Variants in TMEM131 observed in about 807,000 individuals in gnomAD.
The protein encoded by TMEM131 is 2610524E03Rik.
In TMEM131, 66 loss-of-function variants were observed where a neutral mutation model predicts 211.6. That is an observed-to-expected ratio of 0.31 (90% CI 0.26 to 0.38). TMEM131 has a LOEUF of 0.38. TMEM131 is among the 10% of genes least tolerant of loss of function. TMEM131 has a pLI of 1.00. For synonymous variants in TMEM131, 844 were observed against 841.3 expected (o/e 1.00, Z -0.06); for missense variants, 2,036 against 2,299.3 (o/e 0.89, Z 2.34).
chr2:97,812,470 A>G lies in TMEM131; in HGVS notation c.1814T>C (p.Ile605Thr). Residue 605 changes from isoleucine (I) to threonine (T), a missense_variant, in exon 17 of 41, where the codon ATT becomes ACT. Coordinates refer to ENST00000186436, the MANE Select transcript of TMEM131 (RefSeq NM_015348.2). Reference sequence around the variant, plus strand: ...TTTTTCAAACTCTGGCAGGCTTGAAATTATTGTAGTTCTATTGCCTCTTTC... The same window carrying G: ...TTTTTCAAACTCTGGCAGGCTTGAAGTTATTGTAGTTCTATTGCCTCTTTC... The part of the protein sequence containing the change: ...AVERGNRTTI[I>T]SSLPEFEKSS... 4 of 1,613,176 alleles carry G rather than the reference A, an allele frequency of 2.5e-6. No homozygotes were observed. Among genetic ancestry groups the G allele is most frequent in the African/African-American group, 1.3e-5 (1 of 75,004 alleles).
At chr2:97,943,804 T>C (rs1677910392) in intron 1 of TMEM131, among the ~76,000 whole-genome samples, 1 of 152,054 alleles carries the variant, frequency 6.6e-6, no homozygotes, top group South Asian at 2.1e-4. Flanking sequence ...CTTATCAAGG[T>C]TGGGCACAGT....
intron 1 of TMEM131, among the ~76,000 whole-genome samples, chr2:97,959,243 G>C (rs1311501074): frequency 6.6e-6 from 1 of 152,144 alleles, no homozygotes; most frequent in East Asian, 1.9e-4. Flanking sequence ...GTTACAAGAA[G>C]GGAGAAATAG....
intron 1 of TMEM131, among the ~76,000 whole-genome samples, chr2:97,987,594 C>T (rs1221711520): frequency 1.3e-5 from 2 of 152,090 alleles, no homozygotes; most frequent in African/African-American, 2.4e-5. Flanking sequence ...AGGTAATTAA[C>T]GAAATACCTT....
intron 5 of TMEM131, among the ~76,000 whole-genome samples, chr2:97,857,755 T>G (rs924715852): frequency 2.0e-5 from 3 of 152,170 alleles, no homozygotes; most frequent in Non-Finnish European, 2.9e-5. Context: ...CACCGACACC[T>G]TCACCTTGGC....
intron 11 of TMEM131, chr2:97,827,186 G>C (rs1204636240): frequency 6.1e-6 from 4 of 652,358 alleles, no homozygotes; most frequent in African/African-American, 3.6e-5. Flanking sequence ...GCCCAGTTTC[G>C]TGAAGGCTCT....
chr2:97,873,166 A>C (rs1674560512), intron 4 of TMEM131, among the ~76,000 whole-genome samples: 2 of 152,248 alleles, frequency 1.3e-5, no homozygotes, highest in Admixed American at 6.5e-5. Flanking sequence ...AGCCCACTGC[A>C]GCTCAGCACG....
chr2:97,869,069 G>C (rs1233901403), intron 4 of TMEM131, among the ~76,000 whole-genome samples: 1 of 152,120 alleles, frequency 6.6e-6, no homozygotes, highest in Non-Finnish European at 1.5e-5. Context: ...CATCCTCCTT[G>C]CATCCTGAAA....
intron 4 of TMEM131, among the ~76,000 whole-genome samples, chr2:97,877,907 G>C: frequency 6.6e-6 from 1 of 152,194 alleles, no homozygotes; most frequent in Non-Finnish European, 1.5e-5. Context: ...ACTATCATCA[G>C]AGTGAACAGG....
intron 2 of TMEM131, chr2:97,911,708 T>C (rs1676300488): frequency 1.0e-6 from 1 of 968,746 alleles, no homozygotes; most frequent in Non-Finnish European, 1.2e-6. Context: ...AAAATAAATA[T>C]TGTTTTTGAA....
intron 5 of TMEM131, among the ~76,000 whole-genome samples, chr2:97,855,202 T>G (rs1673790292): frequency 6.6e-6 from 1 of 152,256 alleles, no homozygotes; most frequent in South Asian, 2.1e-4. Flanking sequence ...CATTTTCTTG[T>G]ATGTTTTAAA....
At chr2:97,867,973 A>T (rs1054134439) in intron 4 of TMEM131, among the ~76,000 whole-genome samples, 3 of 152,216 alleles carry the variant, frequency 2.0e-5, no homozygotes, top group Non-Finnish European at 2.9e-5. Context: ...ATAACTTTTT[A>T]AAAAATAATT....
At chr2:97,925,661 T>C (rs1002470143) in intron 2 of TMEM131, among the ~76,000 whole-genome samples, 2 of 152,172 alleles carry the variant, frequency 1.3e-5, no homozygotes, top group Non-Finnish European at 2.9e-5. Context: ...GAATTCCTGC[T>C]CTAGCAATTG....
chr2:97,827,564 T>G lies in TMEM131; in HGVS notation c.1074+5801A>C. ...AAGTCTGATTAATAACCATATACCA[T>G]GTCTTATCAGTGGTCCCTGTCTCCC... On this transcript the variant is annotated intron_variant, in intron 11 of 40. Coordinates refer to ENST00000186436, the MANE Select transcript of TMEM131 (RefSeq NM_015348.2). 4 of 913,742 alleles carry G rather than the reference T, an allele frequency of 4.4e-6. No homozygotes were observed. The South Asian group carries it at 5.2e-5, about 12-fold the overall frequency. The allele number at this position is 913,742 out of a possible 1,614,324, so 56.6% of individuals were successfully genotyped here.
rs1000130474 is a variant in TMEM131, at chr2:97,786,995, A to C, written c.4144+5391T>G. Reference sequence around the variant, plus strand: ...TGCCAGAAAATTTGCAGTTCAACTTAACACTTAATGGTAACAACTAACTTT... The same window carrying C: ...TGCCAGAAAATTTGCAGTTCAACTTCACACTTAATGGTAACAACTAACTTT... On this transcript the variant is annotated intron_variant, in intron 31 of 40. Transcript: ENST00000186436. Among the ~76,000 whole-genome samples the C allele has an allele frequency of 2.0e-5, 3 of 152,220 alleles. No homozygotes were observed. The East Asian group carries it at 5.8e-4, about 29-fold the overall frequency.
intron 32 of TMEM131, among the ~76,000 whole-genome samples, chr2:97,774,598 CAG>C (rs1679626413): frequency 1.3e-5 from 2 of 152,112 alleles, no homozygotes; most frequent in South Asian, 2.1e-4. Context: ...AGGGAATGAA[CAG>C]GGAGCTAAGA....
rs1328359159 is a variant in TMEM131 at position 97,759,071 on chromosome 2, G to C, written c.5207-18C>G. ...GAAAACTTCTGGAAATAAAGCAACAGTCATCAAGTCCATATTTGGTTTTGC... is the reference window on the plus strand; with the variant it reads ...GAAAACTTCTGGAAATAAAGCAACACTCATCAAGTCCATATTTGGTTTTGC... On this transcript the variant is annotated intron_variant, in intron 39 of 40. Transcript: ENST00000186436. 1 of 1,613,840 alleles carries C rather than the reference G, an allele frequency of 6.2e-7. No individual in the cohort carries two copies. The highest frequency in any genetic ancestry group is 8.5e-7 in the Non-Finnish European group (1 of 1,179,832).
chr2:97,781,842 G>A (rs987837112), intron 31 of TMEM131, among the ~76,000 whole-genome samples: 5 of 152,122 alleles, frequency 3.3e-5, no homozygotes, highest in Admixed American at 6.5e-5. Flanking sequence ...ATAAAGCCTC[G>A]ACAAAAGCCA....
chr2:97,966,288 C>T (rs1679054754), intron 1 of TMEM131, among the ~76,000 whole-genome samples: 1 of 151,822 alleles, frequency 6.6e-6, no homozygotes, highest in South Asian at 2.1e-4. Flanking sequence ...AAAATCTTTC[C>T]GGGTGGTTAA....
chr2:97,943,050 AAAG>A lies in TMEM131; in HGVS notation c.188-15566_188-15564del, dbSNP rs1559464540. Among the ~76,000 whole-genome samples, 17 of 56,032 alleles carry A rather than the reference AAAG, an allele frequency of 3.0e-4. No homozygotes were observed. The Admixed American group carries it at 3.0e-3, about 10-fold the overall frequency. 36.8% of individuals were successfully genotyped at this position (56,032 alleles called of 152,430 possible). A position where few individuals can be genotyped will look rare whatever the true frequency, so the allele number is the denominator to read the frequency against. Reference sequence around the variant, plus strand: ...AGAAAAGAAAAGAAAAGAAAGAAAGAAAGAAAGAAAGAAAGAAAGAAAGAAAGA... The same window carrying A: ...AGAAAAGAAAAGAAAAGAAAGAAAGAAAAGAAAGAAAGAAAGAAAGAAAGA... On this transcript the variant is annotated intron_variant, in intron 1 of 40. Transcript: ENST00000186436.
Sources: allele counts gnomAD v4.1 joint callset (sites outside exome capture counted in the v4.1 genomes callset), GRCh38; gene constraint gnomAD v4.1.1; transcripts MANE v1.5; gene names NCBI Gene and HGNC (gene_info 2026-07-23, HGNC 2026-07-21).